Variants in PARD3B observed in about 807,000 individuals in gnomAD.
PARD3B encodes partitioning defective 3 homolog B.
PARD3B carries 103 observed loss-of-function variants against 130.2 expected under a neutral mutation model. The observed-to-expected ratio is 0.79, with a 90% CI of 0.67 to 0.93. The LOEUF (loss-of-function observed/expected upper bound fraction) is 0.93, where lower values mean the gene tolerates loss of function less well. Ranked by LOEUF, PARD3B falls within the 40% of genes least tolerant of loss-of-function variation. PARD3B has a pLI of 0.00. For synonymous variants in PARD3B, 583 were observed against 553.2 expected (o/e 1.05, Z -0.76); for missense variants, 1,609 against 1,499.2 (o/e 1.07, Z -1.21).
chr2:204,573,730 G>A (rs973751377), intron 1 of PARD3B, among the ~76,000 whole-genome samples: 4 of 152,152 alleles, frequency 2.6e-5, no homozygotes, highest in Non-Finnish European at 5.9e-5. Flanking sequence ...ATCACTGTTT[G>A]TCCTTCTGCC....
intron 13 of PARD3B, among the ~76,000 whole-genome samples, chr2:205,177,935 A>G (rs995959989): frequency 3.3e-5 from 5 of 152,022 alleles, no homozygotes; most frequent in Non-Finnish European, 7.4e-5. Context: ...TTGTCTTCCA[A>G]ACCACAGCAT....
chr2:205,021,614 CT>C lies in PARD3B; in HGVS notation c.395-25966del. ...TTCTCTTCTCTCTCTCTCTCTCTCTCTCTCTCCCTCTCTCTTTCTCTCTCTC... is the reference window on the plus strand; with the variant it reads ...TTCTCTTCTCTCTCTCTCTCTCTCTCCTCTCCCTCTCTCTTTCTCTCTCTC... On this transcript the variant is annotated intron_variant, in intron 3 of 22. Coordinates refer to ENST00000406610, the MANE Select transcript of PARD3B (RefSeq NM_001302769.2). The surrounding 1 kb of genome is among the most constrained non-coding windows in gnomAD (Gnocchi z 4.5). Among the ~76,000 whole-genome samples the C allele has an allele frequency of 7.1e-6, 1 of 140,160 alleles. No individual in the cohort carries two copies. The highest frequency in any genetic ancestry group is 2.2e-4 in the South Asian group (1 of 4,460). 92.0% of individuals were successfully genotyped at this position (140,160 alleles called of 152,430 possible). A position where few individuals can be genotyped will look rare whatever the true frequency, so the allele number is the denominator to read the frequency against.
intron 1 of PARD3B, among the ~76,000 whole-genome samples, chr2:204,604,319 G>A (rs538984159): frequency 6.6e-6 from 1 of 151,990 alleles, no homozygotes; most frequent in Admixed American, 6.6e-5. Context: ...TGGAATTCTT[G>A]GTATCAGAAA....
chr2:204,795,840 A>G (rs1451238724), intron 2 of PARD3B, among the ~76,000 whole-genome samples: 3 of 152,220 alleles, frequency 2.0e-5, no homozygotes, highest in Non-Finnish European at 2.9e-5. Context: ...ACTAACAGGA[A>G]GTAATTTCTT....
At chr2:204,993,782 T>G (rs1693917284) in intron 3 of PARD3B, among the ~76,000 whole-genome samples, 1 of 150,016 alleles carries the variant, frequency 6.7e-6, no homozygotes, top group East Asian at 2.0e-4. Flanking sequence ...ATTCAGAGAT[T>G]CAACTTCTTC....
intron 1 of PARD3B, among the ~76,000 whole-genome samples, chr2:204,590,367 C>A (rs1474275606): frequency 5.3e-5 from 8 of 152,272 alleles, no homozygotes; most frequent in Admixed American, 3.3e-4. Context: ...TCTGGGGAAA[C>A]ACAGATGCGC....
At chr2:204,613,148 A>G (rs2033989755) in intron 1 of PARD3B, among the ~76,000 whole-genome samples, 1 of 150,910 alleles carries the variant, frequency 6.6e-6, no homozygotes. Flanking sequence ...ATTTCTGGGA[A>G]AGGATTCTCA....
chr2:204,679,439 C>A (rs1401864975), intron 1 of PARD3B, among the ~76,000 whole-genome samples: 1 of 152,078 alleles, frequency 6.6e-6, no homozygotes, highest in Non-Finnish European at 1.5e-5. Context: ...TACACTTTTA[C>A]CCTTAGTGTA....
At chr2:205,096,268 T>C (rs927971818) in intron 4 of PARD3B, among the ~76,000 whole-genome samples, 3 of 152,002 alleles carry the variant, frequency 2.0e-5, no homozygotes, top group Admixed American at 2.0e-4. Flanking sequence ...ATAAAGAAAA[T>C]AGAAGTGAGG....
Position 205,172,348 on chromosome 2 carries a change from G to A in PARD3B, c.1758G>A (p.Leu586=), listed in dbSNP as rs372582050. 6.2e-6 allele frequency: 10 copies of A among 1,613,948 alleles called. No individual in the cohort carries two copies. Among genetic ancestry groups the A allele is most frequent in the South Asian group, 1.1e-5 (1 of 91,082 alleles). ...MEGNIRGMIQ[L]VILRRPERPM... ...GAAACATCCGAGGGATGATCCAGTT[G>A]GTGATTCTGAGGAGGCCAGAGAGAC... is the stretch of plus-strand genomic sequence containing the variant. Residue 586 remains leucine (L), a synonymous_variant, in exon 12 of 23, where the codon TTG becomes TTA. Transcript: ENST00000406610.
rs1321512433 is a variant in PARD3B, at chr2:205,614,570, G to A, written c.3261-886G>A. Reference sequence around the variant, plus strand: ...AAAATACAAAACTTAGTCAGGTGTAGTGGTGGGCACCTGTAGTTCCATCTA... The same window carrying A: ...AAAATACAAAACTTAGTCAGGTGTAATGGTGGGCACCTGTAGTTCCATCTA... On this transcript the variant is annotated intron_variant, in intron 22 of 22. Coordinates refer to ENST00000406610, the MANE Select transcript of PARD3B (RefSeq NM_001302769.2). 3.9e-5 allele frequency among the ~76,000 whole-genome samples: 6 copies of A among 152,188 alleles called. No individual in the cohort carries two copies. The East Asian group carries it at 9.7e-4, about 25-fold the overall frequency.
chr2:205,138,787 G>A (rs1477215102), intron 10 of PARD3B, among the ~76,000 whole-genome samples: 4 of 152,190 alleles, frequency 2.6e-5, no homozygotes, highest in African/African-American at 9.6e-5. Flanking sequence ...CAGAATGTCT[G>A]GGGAACATTT....
chr2:204,946,792 GA>G (rs1164566615), intron 2 of PARD3B, among the ~76,000 whole-genome samples: 1 of 152,180 alleles, frequency 6.6e-6, no homozygotes, highest in Non-Finnish European at 1.5e-5. Context: ...GTCCTGGTCA[GA>G]TAGCCTGAGT....
chr2:204,554,768 A>G (rs918726039), intron 1 of PARD3B, among the ~76,000 whole-genome samples: 13 of 152,104 alleles, frequency 8.5e-5, no homozygotes, highest in Admixed American at 5.9e-4. Context: ...CATCTCTCCT[A>G]AATGGCCTTG....
intron 22 of PARD3B, among the ~76,000 whole-genome samples, chr2:205,570,849 C>T (rs566350679): frequency 3.9e-5 from 6 of 152,260 alleles, no homozygotes; most frequent in Admixed American, 3.3e-4. Flanking sequence ...AGGAGGCACT[C>T]GTGAGAATAA....
chr2:205,431,703 T>C (rs1052959066), intron 19 of PARD3B, among the ~76,000 whole-genome samples: 1 of 152,002 alleles, frequency 6.6e-6, no homozygotes, highest in Admixed American at 6.6e-5. Context: ...TCTCCTGACC[T>C]CGTGATCTGC....
At chr2:205,491,734 A>G (rs2049722911) in intron 20 of PARD3B, among the ~76,000 whole-genome samples, 1 of 152,158 alleles carries the variant, frequency 6.6e-6, no homozygotes, top group South Asian at 2.1e-4. Flanking sequence ...CAAGCTAGGG[A>G]TGGAAATACT....
intron 15 of PARD3B, among the ~76,000 whole-genome samples, chr2:205,196,096 A>G (rs2036667583): frequency 6.6e-6 from 1 of 152,212 alleles, no homozygotes; most frequent in South Asian, 2.1e-4. Flanking sequence ...TTAAGAAAAA[A>G]TAAAGCCTCC....
intron 1 of PARD3B, among the ~76,000 whole-genome samples, chr2:204,662,619 G>A (rs1292966083): frequency 2.6e-5 from 4 of 152,136 alleles, no homozygotes; most frequent in Non-Finnish European, 5.9e-5. Context: ...TTAAAGATAC[G>A]TAAGTTCAAG....
Sources: gnomAD v4.1 joint callset for allele counts (sites outside exome capture counted in the v4.1 genomes callset) on GRCh38, gnomAD v4.1.1 for gene constraint, Gnocchi (gnomAD v3.1) non-coding constraint, MANE v1.5 for transcripts, NCBI Gene and HGNC (gene_info 2026-07-23, HGNC 2026-07-21) for gene names.